The following KCNN2 variants were observed in gnomAD, a reference collection of about 807,000 sequenced individuals.
KCNN2 encodes the protein small conductance calcium-activated potassium channel protein 2.
A neutral mutation model predicts 55.5 loss-of-function variants in KCNN2; 24 were observed. The observed-to-expected ratio is 0.43, with a 90% CI of 0.31 to 0.61. The LOEUF (loss-of-function observed/expected upper bound fraction) is 0.61, where lower values mean the gene tolerates loss of function less well. Among genes scored for constraint, KCNN2 ranks in the 20% least tolerant of loss-of-function variants. The pLI is 0.08. For missense variants in KCNN2, 754 were observed against 853.6 expected, an observed-to-expected ratio of 0.88 and a Z score of 1.45; for synonymous variants, 431 against 336.1, an observed-to-expected ratio of 1.28 and a Z score of -3.09.
intron 2 of KCNN2, among the ~76,000 whole-genome samples, chr5:114,246,278 A>G (rs1200746985): frequency 2.6e-5 from 4 of 152,202 alleles, no homozygotes; most frequent in African/African-American, 7.2e-5. Context: ...CCTAATAACT[A>G]TAATGTGGGA....
intron 1 of KCNN2, among the ~76,000 whole-genome samples, chr5:114,143,462 C>T (rs1371691057): frequency 1.3e-5 from 2 of 152,078 alleles, no homozygotes; most frequent in Non-Finnish European, 2.9e-5. Flanking sequence ...GGGAGTATGC[C>T]TTAACCCTAA....
chr5:114,243,434 C>A (rs1234413357), intron 2 of KCNN2, among the ~76,000 whole-genome samples: 1 of 152,012 alleles, frequency 6.6e-6, no homozygotes, highest in Admixed American at 6.6e-5. Context: ...GTGATGAAAT[C>A]TCGCAGTGTC....
At chr5:114,269,604 A>G (rs993444664) in intron 2 of KCNN2, among the ~76,000 whole-genome samples, 1 of 151,784 alleles carries the variant, frequency 6.6e-6, no homozygotes, top group African/African-American at 2.4e-5. Flanking sequence ...ACAAACTCCA[A>G]CTAGTTGCAG....
chr5:114,247,986 T>C (rs1349671033), intron 2 of KCNN2, among the ~76,000 whole-genome samples: 1 of 152,200 alleles, frequency 6.6e-6, no homozygotes, highest in Non-Finnish European at 1.5e-5. Flanking sequence ...TTCCCTTTTC[T>C]TTGCTTTCCG....
intron 2 of KCNN2, among the ~76,000 whole-genome samples, chr5:114,305,490 G>A (rs1179482037): frequency 1.3e-5 from 2 of 152,154 alleles, no homozygotes; most frequent in Admixed American, 1.3e-4. Flanking sequence ...TGGGTCAAGG[G>A]AGTCAGGGCA....
Position 114,375,952 on chromosome 5 carries a change from G to GTATATATATATATA in KCNN2, c.1218+11963_1218+11976dup, listed in dbSNP as rs6149186. Among the ~76,000 whole-genome samples, 777 of 104,598 alleles carry GTATATATATATATA rather than the reference G, an allele frequency of 7.4e-3. 23 individuals are homozygous for GTATATATATATATA. Among genetic ancestry groups the GTATATATATATATA allele is most frequent in the East Asian group, 0.012 (22 of 1,902 alleles). 68.6% of individuals were successfully genotyped at this position (104,598 alleles called of 152,430 possible). A position where few individuals can be genotyped will look rare whatever the true frequency, so the allele number is the denominator to read the frequency against. On this transcript the variant is annotated intron_variant, in intron 2 of 7. Transcript: ENST00000673685. ...AATCATTTAAAAAAAGACTCACAGTGTATATATATATATATATATATATAT... is the reference window on the plus strand; with the variant it reads ...AATCATTTAAAAAAAGACTCACAGTGTATATATATATATATATATATATATATATATATATATAT...
chr5:114,337,155 ATC>A (rs761610309), intron 2 of KCNN2, among the ~76,000 whole-genome samples: 14 of 152,226 alleles, frequency 9.2e-5, no homozygotes, highest in Non-Finnish European at 1.6e-4. Flanking sequence ...AGATAGAGAT[ATC>A]TCAGATAGAT....
chr5:114,364,620 T>A (rs1204620000), intron 2 of KCNN2, among the ~76,000 whole-genome samples: 4 of 151,978 alleles, frequency 2.6e-5, no homozygotes, highest in African/African-American at 9.7e-5. Context: ...TGAGTTCTTT[T>A]TTTTTTTTTT....
chr5:114,211,009 A>G (rs961727791), intron 1 of KCNN2, among the ~76,000 whole-genome samples: 12 of 152,144 alleles, frequency 7.9e-5, no homozygotes, highest in South Asian at 2.1e-4. Flanking sequence ...CAAAACAACA[A>G]GATACCATTT....
At chr5:114,275,619 G>T (rs772901068) in intron 2 of KCNN2, among the ~76,000 whole-genome samples, 1 of 152,038 alleles carries the variant, frequency 6.6e-6, no homozygotes, top group Non-Finnish European at 1.5e-5. Context: ...GTTTATTTGC[G>T]TAGAGGTACT....
chr5:114,167,923 G>T (rs1309218687), intron 1 of KCNN2, among the ~76,000 whole-genome samples: 2 of 151,988 alleles, frequency 1.3e-5, no homozygotes, highest in African/African-American at 2.4e-5. Context: ...CATGCAGTAG[G>T]TACTCTTACC....
At chr5:114,148,714 A>G (rs1050004724) in intron 1 of KCNN2, among the ~76,000 whole-genome samples, 4 of 152,118 alleles carry the variant, frequency 2.6e-5, no homozygotes, top group African/African-American at 9.7e-5. Flanking sequence ...GCTTAGTAGA[A>G]GAAGAGTTAA....
intron 1 of KCNN2, among the ~76,000 whole-genome samples, chr5:114,148,580 G>A (rs1008687519): frequency 6.6e-6 from 1 of 152,066 alleles, no homozygotes; most frequent in Admixed American, 6.6e-5. Flanking sequence ...TGAAAGAAGG[G>A]GTCCTGGAGT....
At chr5:114,400,989 CT>C (rs1424843002) in intron 2 of KCNN2, among the ~76,000 whole-genome samples, 129 of 138,568 alleles carry the variant, frequency 9.3e-4, no homozygotes, top group East Asian at 1.3e-3. Flanking sequence ...TTTTTTCTTT[CT>C]TTTTTTTTTT....
At chr5:114,312,923 G>A (rs1000181503) in intron 2 of KCNN2, among the ~76,000 whole-genome samples, 1 of 152,070 alleles carries the variant, frequency 6.6e-6, no homozygotes, top group Admixed American at 6.6e-5. Flanking sequence ...ATTGCACAGT[G>A]CCTAGTTAAT....
intron 2 of KCNN2, among the ~76,000 whole-genome samples, chr5:114,317,758 A>C (rs548247788): frequency 9.0e-4 from 137 of 152,364 alleles, no homozygotes; most frequent in South Asian, 3.7e-3. Flanking sequence ...AAGAGATGAA[A>C]TACCAGTAGA....
chr5:114,326,042 G>T (rs1756708749), intron 2 of KCNN2, among the ~76,000 whole-genome samples: 3 of 152,180 alleles, frequency 2.0e-5, no homozygotes, highest in Admixed American at 6.5e-5. Flanking sequence ...AGTAACTTCA[G>T]TTTGGGGTTT....
At chr5:114,245,608 T>C (rs1232027910) in intron 2 of KCNN2, among the ~76,000 whole-genome samples, 1 of 152,206 alleles carries the variant, frequency 6.6e-6, no homozygotes, top group Non-Finnish European at 1.5e-5. Flanking sequence ...TGCCTGTCTG[T>C]TCTAGAATGA....
intron 1 of KCNN2, among the ~76,000 whole-genome samples, 183 bp downstream of exon 1, chr5:114,363,444 C>G (rs1757507194): frequency 6.6e-6 from 1 of 152,222 alleles, no homozygotes; most frequent in African/African-American, 2.4e-5. Context: ...GGAGATGAAC[C>G]CTTTCCGCGT....
Sources: allele counts gnomAD v4.1 joint callset (sites outside exome capture counted in the v4.1 genomes callset), GRCh38; gene constraint gnomAD v4.1.1; transcripts MANE v1.5; gene names NCBI Gene and HGNC (gene_info 2026-07-23, HGNC 2026-07-21).